PIEZO2: variants seen among roughly 807,000 people sequenced by gnomAD.
The protein encoded by PIEZO2 is piezo type mechanosensitive ion channel component 2.
In PIEZO2, 172 loss-of-function variants were observed where a neutral mutation model predicts 337.3. That is an observed-to-expected ratio of 0.51 (90% CI 0.45 to 0.58). PIEZO2 has a LOEUF of 0.58. Among genes scored for constraint, PIEZO2 ranks in the 20% least tolerant of loss-of-function variants. PIEZO2 has a pLI of 0.00. For synonymous variants in PIEZO2, 1,251 were observed against 1,228.5 expected (o/e 1.02, Z -0.38); for missense variants, 3,028 against 3,391.3 (o/e 0.89, Z 2.66).
Position 10,705,585 on chromosome 18 carries a change from G to A in PIEZO2, c.5750C>T (p.Ala1917Val), listed in dbSNP as rs752415814. The A allele has an allele frequency of 3.9e-6, 6 of 1,537,066 alleles. No homozygotes were observed. The highest frequency in any genetic ancestry group is 2.4e-5 in the East Asian group (1 of 40,920). The change falls in exon 41 of 56, where the codon GCC becomes GTC. Residue 1917 changes from alanine to valine, a missense_variant. By Grantham distance (64) the Ala-to-Val change is moderately conservative (BLOSUM62 0). Coordinates refer to ENST00000674853, the MANE Select transcript of PIEZO2 (RefSeq NM_001378183.1). ...ATGYDVGAMG[A>V]EEASLTPEEE... ...CTCTGGGGTGAGGCTGGCCTCCTCG[G>A]CACCCATGGCTCCCACATCGTACCC...
chr18:11,013,635 C>A (rs529333508), intron 2 of PIEZO2, among the ~76,000 whole-genome samples: 1 of 152,118 alleles, frequency 6.6e-6, no homozygotes, highest in African/African-American at 2.4e-5. Flanking sequence ...ATGGACCAGC[C>A]GCTGCTCCTA....
At chr18:10,975,043 A>G (rs1358665753) in intron 3 of PIEZO2, among the ~76,000 whole-genome samples, 1 of 152,252 alleles carries the variant, frequency 6.6e-6, no homozygotes, top group Non-Finnish European at 1.5e-5. Flanking sequence ...CTTAAAGAAC[A>G]GCAAAGCTCA....
intron 1 of PIEZO2, among the ~76,000 whole-genome samples, chr18:11,090,830 G>A (rs2146037133): frequency 7.5e-6 from 1 of 133,018 alleles, no homozygotes; most frequent in Admixed American, 7.5e-5. Flanking sequence ...GGAGAATGGT[G>A]TGAACCCGGG....
intron 8 of PIEZO2, among the ~76,000 whole-genome samples, chr18:10,806,803 G>A (rs1335443529): frequency 6.6e-6 from 1 of 152,114 alleles, no homozygotes; most frequent in South Asian, 2.1e-4. Flanking sequence ...GAGTTGTTTA[G>A]TTTATTAAAT....
rs761246890 is a variant in PIEZO2, at chr18:10,775,457, C to T, written c.2535-1419G>A. On this transcript the variant is annotated intron_variant, in intron 18 of 55. Coordinates refer to ENST00000674853, the MANE Select transcript of PIEZO2 (RefSeq NM_001378183.1). The surrounding 1 kb of genome is among the most constrained non-coding windows in gnomAD (Gnocchi z 4.3). ...GATACCTTTATTAAGACAAGGAATT[C>T]GGTGGTTGCAGTGTGAGGTGGGACC... is the stretch of plus-strand genomic sequence containing the variant. 3.9e-4 allele frequency among the ~76,000 whole-genome samples: 60 copies of T among 152,086 alleles called. No individual in the cohort carries two copies. Among genetic ancestry groups the T allele is most frequent in the Admixed American group, 1.0e-3 (16 of 15,264 alleles).
chr18:10,845,389 A>C (rs914741534), intron 7 of PIEZO2, among the ~76,000 whole-genome samples: 1 of 152,170 alleles, frequency 6.6e-6, no homozygotes, highest in Admixed American at 6.5e-5. Context: ...AAGAGGAGTT[A>C]TTTGGTTGGA....
At chr18:10,911,504 C>T (rs1287349714) in intron 3 of PIEZO2, among the ~76,000 whole-genome samples, 3 of 151,164 alleles carry the variant, frequency 2.0e-5, no homozygotes, top group Non-Finnish European at 4.4e-5. Context: ...TCTGTAATCC[C>T]AGCACTCCGG....
At chr18:10,792,820 A>C (rs1389138037) in intron 13 of PIEZO2, among the ~76,000 whole-genome samples, 2 of 152,212 alleles carry the variant, frequency 1.3e-5, no homozygotes, top group Non-Finnish European at 2.9e-5. Flanking sequence ...TCTTATGGAA[A>C]TTTTATGTTT....
chr18:11,034,439 C>G (rs1568315148), intron 2 of PIEZO2, among the ~76,000 whole-genome samples: 2 of 151,940 alleles, frequency 1.3e-5, no homozygotes, highest in African/African-American at 2.4e-5. Context: ...ACTACAGGCG[C>G]CCGCCACCAC....
At chr18:10,927,899 A>T (rs999588974) in intron 3 of PIEZO2, among the ~76,000 whole-genome samples, 2 of 152,200 alleles carry the variant, frequency 1.3e-5, no homozygotes, top group African/African-American at 2.4e-5. Flanking sequence ...AGATATAAAA[A>T]CTGCATTTTT....
At chr18:10,803,448 T>C (rs1317382827) in intron 9 of PIEZO2, among the ~76,000 whole-genome samples, 1 of 152,220 alleles carries the variant, frequency 6.6e-6, no homozygotes, top group East Asian at 1.9e-4. Flanking sequence ...AGTGATGAGC[T>C]CACTTCATTT....
intron 3 of PIEZO2, among the ~76,000 whole-genome samples, chr18:10,920,624 T>C (rs1227958789): frequency 6.6e-6 from 1 of 152,132 alleles, no homozygotes; most frequent in East Asian, 1.9e-4. Flanking sequence ...GACTTCAAGT[T>C]TTGTGTTCTT....
chr18:10,827,658 A>G (rs1242078269), intron 7 of PIEZO2, among the ~76,000 whole-genome samples: 4 of 152,234 alleles, frequency 2.6e-5, no homozygotes, highest in Non-Finnish European at 4.4e-5. Context: ...TATTGCATCA[A>G]CCACCTCAAG....
chr18:11,062,899 C>T (rs532903230), intron 2 of PIEZO2, among the ~76,000 whole-genome samples: 53 of 152,226 alleles, frequency 3.5e-4, no homozygotes, highest in Non-Finnish European at 6.0e-4. Flanking sequence ...ACACAGCAAT[C>T]GCATTACTGG....
At position 10,716,249 on chromosome 18, in the gene PIEZO2, C is replaced by G. The variant is rs192425586; in HGVS notation, c.5090-433G>C. On this transcript the variant is annotated intron_variant, in intron 37 of 55. Transcript: ENST00000674853. This position sits in a 1 kb window ranked among gnomAD's most constrained non-coding sequence, Gnocchi z 4.1. ...CCCTAATACAGAAAAACCAACCCCT[C>G]TTCTTCCTCCTCCTCCTCAACCCAC... Among the ~76,000 whole-genome samples the G allele has an allele frequency of 1.7e-3, 258 of 152,326 alleles. 3 individuals carry two copies. Among genetic ancestry groups the G allele is most frequent in the African/African-American group, 6.0e-3 (249 of 41,570 alleles).
chr18:10,823,845 C>T (rs1467029540), intron 7 of PIEZO2, among the ~76,000 whole-genome samples: 2 of 152,154 alleles, frequency 1.3e-5, no homozygotes, highest in African/African-American at 4.8e-5. Context: ...ACTTATAAAA[C>T]ATACACAGAC....
rs902921127 is a variant in PIEZO2, at chr18:10,850,844, A to C, written c.917+4509T>G. ...ATTACATTTTAAAGTGTTTTTTCTT[A>C]TTATTTTATTTTTCCAAATGACCAA... is the stretch of plus-strand genomic sequence containing the variant. On this transcript the variant is annotated intron_variant, in intron 7 of 55. Coordinates refer to ENST00000674853, the MANE Select transcript of PIEZO2 (RefSeq NM_001378183.1). This position sits in a 1 kb window ranked among gnomAD's most constrained non-coding sequence, Gnocchi z 4.5. 2.0e-5 allele frequency among the ~76,000 whole-genome samples: 3 copies of C among 152,154 alleles called. No homozygotes were observed.
rs2034334299 is a variant in PIEZO2 at position 10,973,775 on chromosome 18, A to G, written c.286+5760T>C. ...CACTGATCAGCTATCAGAAGAAAGC[A>G]GGCAGCCAAGAGTGGTTTCAAAAAA... On this transcript the variant is annotated intron_variant, in intron 3 of 55. Coordinates refer to ENST00000674853, the MANE Select transcript of PIEZO2 (RefSeq NM_001378183.1). This position sits in a 1 kb window ranked among gnomAD's most constrained non-coding sequence, Gnocchi z 4.9. Among the ~76,000 whole-genome samples the G allele has an allele frequency of 6.6e-6, 1 of 152,236 alleles. No homozygotes were observed. The highest frequency in any genetic ancestry group is 1.5e-5 in the Non-Finnish European group (1 of 68,046).
At chr18:10,747,201 G>A (rs1286174749) in intron 30 of PIEZO2, among the ~76,000 whole-genome samples, 1 of 152,104 alleles carries the variant, frequency 6.6e-6, no homozygotes, top group Non-Finnish European at 1.5e-5. Context: ...TGACAACTTT[G>A]GGAAAAAGAC....
Sources: gnomAD v4.1 joint callset for allele counts (sites outside exome capture counted in the v4.1 genomes callset) on GRCh38, gnomAD v4.1.1 for gene constraint, Gnocchi (gnomAD v3.1) non-coding constraint, MANE v1.5 for transcripts, NCBI Gene and HGNC (gene_info 2026-07-23, HGNC 2026-07-21) for gene names.